The following KIZ variants were observed in gnomAD, a reference collection of about 807,000 sequenced individuals.
KIZ encodes the protein centrosomal protein kizuna.
In KIZ, 68 loss-of-function variants were observed where a neutral mutation model predicts 79.6. The ratio of observed to expected loss-of-function variants is 0.85; its 90% CI spans 0.70 to 1.05. KIZ has a LOEUF of 1.05. Among genes scored for constraint, KIZ ranks in the 50% least tolerant of loss-of-function variants. KIZ has a pLI of 0.00. For synonymous variants in KIZ, 280 were observed against 281.8 expected (o/e 0.99, Z 0.06); for missense variants, 797 against 800.4 (o/e 1.00, Z 0.05).
At chr20:21,209,918 CAT>C (rs1192173004) in intron 7 of KIZ, among the ~76,000 whole-genome samples, 1 of 111,622 alleles carries the variant, frequency 9.0e-6, no homozygotes, top group East Asian at 2.8e-4. Flanking sequence ...TTAGAGCGAG[CAT>C]ATGTTTTCTT....
At chr20:21,233,370 C>G (rs1048576420) in intron 11 of KIZ, among the ~76,000 whole-genome samples, 5 of 152,090 alleles carry the variant, frequency 3.3e-5, no homozygotes, top group African/African-American at 4.8e-5. Context: ...CTGTAGCACT[C>G]GCTTCTTGTA....
intron 4 of KIZ, chr20:21,149,056 A>T (rs2032986949): frequency 6.6e-6 from 1 of 152,344 alleles, no homozygotes; most frequent in South Asian, 2.1e-4. Context: ...AATCTTCTCA[A>T]CAACCCTGGA....
At chr20:21,235,596 T>G (rs2036977776) in intron 11 of KIZ, among the ~76,000 whole-genome samples, 1 of 152,192 alleles carries the variant, frequency 6.6e-6, no homozygotes, top group Non-Finnish European at 1.5e-5. Flanking sequence ...CGGTTTTCAC[T>G]CTCCCGGATC....
chr20:21,175,423 T>C (rs1052678000), intron 6 of KIZ, among the ~76,000 whole-genome samples: 4 of 152,152 alleles, frequency 2.6e-5, no homozygotes, highest in African/African-American at 4.8e-5. Context: ...GAAGTCTCCA[T>C]TGGCCAACAG....
At chr20:21,165,921 A>G (rs1246662853) in intron 6 of KIZ, among the ~76,000 whole-genome samples, 1 of 151,984 alleles carries the variant, frequency 6.6e-6, no homozygotes, top group Non-Finnish European at 1.5e-5. Context: ...TCAGCCTTAC[A>G]AATAGCTGGG....
chr20:21,162,570 C>T, intron 5 of KIZ, 63 bp downstream of exon 5: 2 of 1,193,762 alleles, frequency 1.7e-6, no homozygotes, highest in Non-Finnish European at 2.4e-6. Flanking sequence ...TATGTAAGGA[C>T]AAAATATACT....
intron 6 of KIZ, among the ~76,000 whole-genome samples, chr20:21,204,536 G>A (rs1275700396): frequency 6.6e-6 from 1 of 152,010 alleles, no homozygotes; most frequent in East Asian, 1.9e-4. Flanking sequence ...GTCCATTGCA[G>A]TCAGTATCCT....
At chr20:21,189,576 A>T (rs2035027946) in intron 6 of KIZ, among the ~76,000 whole-genome samples, 1 of 152,206 alleles carries the variant, frequency 6.6e-6, no homozygotes, top group Non-Finnish European at 1.5e-5. Context: ...GTTCGTTCTG[A>T]AAATTAAAAT....
intron 6 of KIZ, among the ~76,000 whole-genome samples, chr20:21,169,883 G>A (rs1013449923): frequency 6.6e-6 from 1 of 152,096 alleles, no homozygotes; most frequent in African/African-American, 2.4e-5. Context: ...GTTATTCCAT[G>A]TCTTTTTATG....
At chr20:21,173,577 C>CAA (rs749330317) in intron 6 of KIZ, among the ~76,000 whole-genome samples, 876 of 37,252 alleles carry the variant, frequency 0.024, 25 homozygotes, top group African/African-American at 0.055. Flanking sequence ...GATGCCGTCT[C>CAA]AAAAAAAAAA....
intron 3 of KIZ, among the ~76,000 whole-genome samples, chr20:21,136,808 T>G (rs1288376347): frequency 6.6e-6 from 1 of 152,190 alleles, no homozygotes; most frequent in Admixed American, 6.5e-5. Context: ...TTTGCTAAAA[T>G]GAGAAATAAT....
At chr20:21,194,846 T>A (rs1257004022) in intron 6 of KIZ, 2 of 151,378 alleles carry the variant, frequency 1.3e-5, no homozygotes, top group East Asian at 1.9e-4. Flanking sequence ...AAAAAAAAAA[T>A]ACTGTAAAGA....
intron 11 of KIZ, among the ~76,000 whole-genome samples, chr20:21,241,785 A>G (rs754878607): frequency 2.6e-5 from 4 of 152,198 alleles, no homozygotes; most frequent in Non-Finnish European, 5.9e-5. Context: ...TGATGAGTTA[A>G]GTGACGACTA....
At chr20:21,165,385 C>T (rs1248509186) in intron 6 of KIZ, among the ~76,000 whole-genome samples, 1 of 152,018 alleles carries the variant, frequency 6.6e-6, no homozygotes, top group Admixed American at 6.6e-5. Context: ...AGCAAAGGAC[C>T]CCATGGGTGA....
At chr20:21,131,359 C>T (rs1047682848) in intron 1 of KIZ, among the ~76,000 whole-genome samples, 1 of 152,206 alleles carries the variant, frequency 6.6e-6, no homozygotes, top group African/African-American at 2.4e-5. Flanking sequence ...CAAATAATGA[C>T]ACCATTACAG....
At chr20:21,243,952 T>C (rs1302024165) in intron 11 of KIZ, among the ~76,000 whole-genome samples, 2 of 151,976 alleles carry the variant, frequency 1.3e-5, no homozygotes, top group African/African-American at 4.8e-5. Context: ...GCGATCATCC[T>C]CCCCCAAGAA....
chr20:21,221,793 AG>A (rs2036509802), intron 9 of KIZ, among the ~76,000 whole-genome samples: 1 of 152,186 alleles, frequency 6.6e-6, no homozygotes, highest in African/African-American at 2.4e-5. Flanking sequence ...TATAGTGGCT[AG>A]GTTGTCACTG....
chr20:21,182,423 TCA>T (rs1243939770), intron 6 of KIZ, among the ~76,000 whole-genome samples: 1 of 152,176 alleles, frequency 6.6e-6, no homozygotes, highest in East Asian at 1.9e-4. Context: ...TAAAATTTGT[TCA>T]CAGACCCATT....
intron 6 of KIZ, among the ~76,000 whole-genome samples, chr20:21,186,281 C>T (rs2034872424): frequency 6.6e-6 from 1 of 152,080 alleles, no homozygotes; most frequent in African/African-American, 2.4e-5. Context: ...GGTCATGAGA[C>T]TGATTATCCT....
Sources: gnomAD v4.1 joint callset for allele counts (sites outside exome capture counted in the v4.1 genomes callset) on GRCh38, gnomAD v4.1.1 for gene constraint, MANE v1.5 for transcripts, NCBI Gene and HGNC (gene_info 2026-07-23, HGNC 2026-07-21) for gene names.